Variants in CNTN5 observed in about 807,000 individuals in gnomAD.
The protein encoded by CNTN5 is contactin-5.
A neutral mutation model predicts 129.1 loss-of-function variants in CNTN5; 77 were observed. That is an observed-to-expected ratio of 0.60 (90% CI 0.50 to 0.72). The LOEUF (loss-of-function observed/expected upper bound fraction) is 0.72. CNTN5 is among the 30% of genes least tolerant of loss of function. CNTN5 has a pLI of 0.00. For missense variants in CNTN5, 1,478 were observed against 1,328.8 expected (o/e 1.11, Z -1.75); for synonymous variants, 509 against 465.6 (o/e 1.09, Z -1.20).
intron 3 of CNTN5, among the ~76,000 whole-genome samples, chr11:99,698,023 C>T (rs1374149928): frequency 2.7e-5 from 4 of 149,956 alleles, no homozygotes; most frequent in African/African-American, 9.7e-5. Context: ...TTTTACTGAA[C>T]GTTTTTCATT....
intron 7 of CNTN5, among the ~76,000 whole-genome samples, chr11:99,954,677 T>A (rs548453170): frequency 3.3e-5 from 5 of 152,334 alleles, no homozygotes; most frequent in Non-Finnish European, 2.9e-5. Flanking sequence ...AATAGATAAT[T>A]GAAAACCTTA....
At chr11:99,514,598 C>T (rs185567233) in intron 2 of CNTN5, among the ~76,000 whole-genome samples, 1 of 152,038 alleles carries the variant, frequency 6.6e-6, no homozygotes, top group Admixed American at 6.6e-5. Flanking sequence ...GGATCCTTCA[C>T]TAGCAAAAAG....
At chr11:99,970,346 A>C (rs1951215685) in intron 8 of CNTN5, among the ~76,000 whole-genome samples, 1 of 152,248 alleles carries the variant, frequency 6.6e-6, no homozygotes, top group South Asian at 2.1e-4. Context: ...CACTTATTGA[A>C]TGCAAATTCA....
chr11:99,423,198 C>G (rs1942975507), intron 2 of CNTN5, among the ~76,000 whole-genome samples: 1 of 152,232 alleles, frequency 6.6e-6, no homozygotes, highest in Middle Eastern at 3.4e-3. Flanking sequence ...TTCATTTTAA[C>G]TTTACCTGGT....
intron 1 of CNTN5, among the ~76,000 whole-genome samples, chr11:99,190,964 A>T (rs1397167709): frequency 6.6e-6 from 1 of 151,674 alleles, no homozygotes; most frequent in Non-Finnish European, 1.5e-5. Flanking sequence ...GTTCAGAAGG[A>T]TGTTAGCTGT....
At chr11:99,218,232 A>C (rs1860227824) in intron 1 of CNTN5, among the ~76,000 whole-genome samples, 1 of 151,664 alleles carries the variant, frequency 6.6e-6, no homozygotes, top group South Asian at 2.1e-4. Context: ...CTTCCCTTTG[A>C]TTTTCCTTTG....
chr11:99,790,568 A>C (rs959366032), intron 3 of CNTN5, among the ~76,000 whole-genome samples: 1 of 152,080 alleles, frequency 6.6e-6, no homozygotes, highest in Admixed American at 6.5e-5. Context: ...TACCCAGTCT[A>C]CCATTCATGG....
At chr11:100,240,331 A>C (rs1949713606) in intron 16 of CNTN5, among the ~76,000 whole-genome samples, 1 of 151,996 alleles carries the variant, frequency 6.6e-6, no homozygotes, top group Non-Finnish European at 1.5e-5. Flanking sequence ...TCGGGATAGT[A>C]CCAAGTTCAC....
chr11:100,088,547 A>G (rs898132567), intron 13 of CNTN5, among the ~76,000 whole-genome samples: 2 of 152,002 alleles, frequency 1.3e-5, no homozygotes, highest in Admixed American at 1.3e-4. Context: ...AGAAATGACA[A>G]AGGTCACATT....
At chr11:100,199,555 A>T (rs1356546738) in intron 15 of CNTN5, among the ~76,000 whole-genome samples, 1 of 151,934 alleles carries the variant, frequency 6.6e-6, no homozygotes, top group African/African-American at 2.4e-5. Flanking sequence ...CCTCACGAAG[A>T]AAGATTACCT....
At chr11:99,321,700 A>G (rs189408904) in intron 1 of CNTN5, among the ~76,000 whole-genome samples, 11 of 152,248 alleles carry the variant, frequency 7.2e-5, no homozygotes, top group African/African-American at 2.6e-4. Flanking sequence ...TATTCCTTCC[A>G]CCTTGATTGA....
At chr11:99,976,446 T>C (rs750732617) in intron 8 of CNTN5, among the ~76,000 whole-genome samples, 3 of 152,176 alleles carry the variant, frequency 2.0e-5, no homozygotes, top group Non-Finnish European at 4.4e-5. Context: ...GTAGAGATGT[T>C]CTATGAGGTC....
At chr11:99,179,212 G>T (rs1183801514) in intron 1 of CNTN5, among the ~76,000 whole-genome samples, 2 of 152,224 alleles carry the variant, frequency 1.3e-5, no homozygotes, top group East Asian at 3.9e-4. Flanking sequence ...GGGGCCAAGG[G>T]AGGTAGATCA....
chr11:100,124,403 A>G (rs1359335565), intron 13 of CNTN5, among the ~76,000 whole-genome samples: 2 of 152,066 alleles, frequency 1.3e-5, no homozygotes, highest in East Asian at 1.9e-4. Context: ...ATGTGTATCA[A>G]GAAAATTATT....
At chr11:99,601,173 T>C (rs938589791) in intron 3 of CNTN5, among the ~76,000 whole-genome samples, 7 of 152,304 alleles carry the variant, frequency 4.6e-5, no homozygotes, top group African/African-American at 1.7e-4. Flanking sequence ...ATAAATTATT[T>C]CCAAATTACA....
At chr11:100,269,172 A>G (rs762788636) in intron 17 of CNTN5, among the ~76,000 whole-genome samples, 3 of 152,326 alleles carry the variant, frequency 2.0e-5, no homozygotes, top group Non-Finnish European at 4.4e-5. Flanking sequence ...AAGGATGATC[A>G]ACTGTGTCAA....
At chr11:99,842,180 C>T (rs180998281) in intron 4 of CNTN5, among the ~76,000 whole-genome samples, 6 of 152,202 alleles carry the variant, frequency 3.9e-5, no homozygotes, top group Admixed American at 2.6e-4. Context: ...CAGGTGTAAG[C>T]CACCACACCC....
chr11:99,354,023 A>G (rs1170378573), intron 2 of CNTN5, among the ~76,000 whole-genome samples: 1 of 152,194 alleles, frequency 6.6e-6, no homozygotes, highest in Non-Finnish European at 1.5e-5. Context: ...CTAAATTCAT[A>G]TGCTATATAA....
At chr11:100,342,841 A>G (rs184807484) in intron 23 of CNTN5, among the ~76,000 whole-genome samples, 119 of 152,240 alleles carry the variant, frequency 7.8e-4, no homozygotes, top group Admixed American at 1.5e-3. Context: ...TGCTTAGAGG[A>G]AAAAATATCA....
Sources: gnomAD v4.1 joint callset for allele counts (sites outside exome capture counted in the v4.1 genomes callset) on GRCh38, gnomAD v4.1.1 for gene constraint, MANE v1.5 for transcripts, NCBI Gene and HGNC (gene_info 2026-07-23, HGNC 2026-07-21) for gene names.